The following B3GLCT variants were observed in gnomAD, a reference collection of about 807,000 sequenced individuals.
B3GLCT encodes the protein beta-1,3-glucosyltransferase.
B3GLCT carries 65 observed loss-of-function variants against 63.4 expected under a neutral mutation model. The observed-to-expected ratio is 1.03, with a 90% CI of 0.84 to 1.26. The LOEUF (loss-of-function observed/expected upper bound fraction) is 1.26, where lower values mean the gene tolerates loss of function less well. B3GLCT is among the 50% of genes most tolerant of loss of function. The pLI is 0.00. For missense variants in B3GLCT, 577 were observed against 604.8 expected (o/e 0.95, Z 0.48); for synonymous variants, 233 against 219.2 (o/e 1.06, Z -0.55).
chr13:31,329,161 T>G (rs902126053), intron 14 of B3GLCT, among the ~76,000 whole-genome samples: 1 of 152,218 alleles, frequency 6.6e-6, no homozygotes, highest in Non-Finnish European at 1.5e-5. Context: ...ATAACAGTTT[T>G]TCTGTCTTTG....
intron 10 of B3GLCT, among the ~76,000 whole-genome samples, chr13:31,284,060 TTG>T (rs1488340247): frequency 1.3e-5 from 2 of 152,200 alleles, no homozygotes; most frequent in African/African-American, 4.8e-5. Context: ...CAGCTTTCTG[TTG>T]TGTTTATTGT....
intron 8 of B3GLCT, among the ~76,000 whole-genome samples, chr13:31,272,153 T>C (rs764692690): frequency 1.3e-5 from 2 of 152,112 alleles, no homozygotes; most frequent in Non-Finnish European, 2.9e-5. Context: ...ATGTTGATTG[T>C]AATTACTGAT....
chr13:31,265,704 A>G (rs1401208030), intron 7 of B3GLCT, among the ~76,000 whole-genome samples: 1 of 152,206 alleles, frequency 6.6e-6, no homozygotes, highest in East Asian at 1.9e-4. Context: ...GATTTCTTCA[A>G]ATATATGTCA....
chr13:31,256,327 G>A (rs1775509987), intron 6 of B3GLCT, among the ~76,000 whole-genome samples: 1 of 152,200 alleles, frequency 6.6e-6, no homozygotes, highest in African/African-American at 2.4e-5. Flanking sequence ...TACACTGTTG[G>A]TGGGAGTGTA....
At chr13:31,206,784 A>G (rs1223382315) in intron 1 of B3GLCT, among the ~76,000 whole-genome samples, 1 of 152,104 alleles carries the variant, frequency 6.6e-6, no homozygotes, top group Non-Finnish European at 1.5e-5. Flanking sequence ...TTTGCCTTAA[A>G]GTAAGGAGTT....
intron 4 of B3GLCT, among the ~76,000 whole-genome samples, chr13:31,240,199 G>A (rs561242296): frequency 7.0e-4 from 107 of 152,206 alleles, no homozygotes; most frequent in African/African-American, 2.5e-3. Context: ...AGAGGTCGGC[G>A]GGTCAGAGGT....
intron 14 of B3GLCT, among the ~76,000 whole-genome samples, chr13:31,325,000 C>A (rs1875535364): frequency 6.6e-6 from 1 of 152,218 alleles, no homozygotes. Flanking sequence ...AGCCACTGCA[C>A]CTGGCCCATG....
At chr13:31,265,805 T>G (rs925328728) in intron 7 of B3GLCT, among the ~76,000 whole-genome samples, 2 of 152,182 alleles carry the variant, frequency 1.3e-5, no homozygotes, top group Non-Finnish European at 2.9e-5. Flanking sequence ...GTTGACTGAT[T>G]CACAAGTGGG....
Position 31,261,004 on chromosome 13 carries a change from C to T in B3GLCT, c.518C>T (p.Ala173Val), listed in dbSNP as rs1157354835. 6.2e-7 allele frequency: 1 copy of T among 1,613,858 alleles called. No homozygotes were observed. The change falls in exon 7 of 15, where the codon GCC becomes GTC. Residue 173 changes from alanine (A) to valine (V), a missense_variant. Coordinates refer to ENST00000343307, the MANE Select transcript of B3GLCT (RefSeq NM_194318.4). ...DEEATIIHHY[A>V]FSENPTVFKY... ...GAAGCTACAATAATTCACCATTATG[C>T]CTTTTCCGAGAATCCTACAGTTTTT...
At chr13:31,316,407 T>TTTTTTATATATATATA (rs1239451482) in intron 12 of B3GLCT, among the ~76,000 whole-genome samples, 4 of 40,864 alleles carry the variant, frequency 9.8e-5, no homozygotes, top group African/African-American at 2.6e-4. Flanking sequence ...TTTGGAGGTT[T>TTTTTTATATATATATA]TATATATATA....
chr13:31,256,484 G>A (rs1871747588), intron 6 of B3GLCT, among the ~76,000 whole-genome samples: 1 of 152,172 alleles, frequency 6.6e-6, no homozygotes, highest in Admixed American at 6.5e-5. Context: ...TATGTTTATT[G>A]TGGCACTGTT....
chr13:31,283,538 A>G (rs1970133160), intron 10 of B3GLCT, among the ~76,000 whole-genome samples: 1 of 151,968 alleles, frequency 6.6e-6, no homozygotes, highest in African/African-American at 2.4e-5. Context: ...TTATATTTTA[A>G]TATATGAAAT....
chr13:31,234,714 C>A (rs1195087042), intron 4 of B3GLCT, among the ~76,000 whole-genome samples: 1 of 152,080 alleles, frequency 6.6e-6, no homozygotes, highest in Non-Finnish European at 1.5e-5. Context: ...TCTCTGGGGG[C>A]TTCTCTGAGG....
In B3GLCT at chr13:31,222,944, A is replaced by C. The variant is rs554134863; in HGVS notation, c.121-8A>C. 2.0e-6 allele frequency: 3 copies of C among 1,508,274 alleles called. No individual in the cohort carries two copies. In the South Asian group the frequency reaches 3.4e-5, roughly 17 times the overall value. 93.4% of individuals were successfully genotyped at this position (1,508,274 alleles called of 1,614,324 possible). A position where few individuals can be genotyped will look rare whatever the true frequency, so the allele number is the denominator to read the frequency against. ...GATTCATCTTTTTCTCTTTCATTTAAAATACAGGATTTGGAGAAAAGTGGT... is the reference window on the plus strand; with the variant it reads ...GATTCATCTTTTTCTCTTTCATTTACAATACAGGATTTGGAGAAAAGTGGT... On this transcript the variant is annotated splice_polypyrimidine_tract_variant and splice_region_variant and intron_variant, in intron 2 of 14. Coordinates refer to ENST00000343307, the MANE Select transcript of B3GLCT (RefSeq NM_194318.4).
At chr13:31,293,446 G>A (rs1254052452) in intron 12 of B3GLCT, among the ~76,000 whole-genome samples, 1 of 152,150 alleles carries the variant, frequency 6.6e-6, no homozygotes, top group African/African-American at 2.4e-5. Flanking sequence ...AAGTCTCTTT[G>A]TAGGTCTTTA....
chr13:31,248,474 C>G (rs1450147277), intron 6 of B3GLCT, among the ~76,000 whole-genome samples: 1 of 152,142 alleles, frequency 6.6e-6, no homozygotes, highest in Non-Finnish European at 1.5e-5. Context: ...GAAAACATCT[C>G]TAATAAGGAA....
intron 12 of B3GLCT, among the ~76,000 whole-genome samples, chr13:31,316,431 A>ATATATATATATAT (rs1555255278): frequency 3.8e-4 from 42 of 110,026 alleles, no homozygotes; most frequent in East Asian, 1.1e-3. Flanking sequence ...ATATATATAT[A>ATATATATATATAT]AATTTTTTTT....
intron 6 of B3GLCT, among the ~76,000 whole-genome samples, chr13:31,257,202 G>T (rs890707969): frequency 3.9e-5 from 6 of 152,190 alleles, no homozygotes; most frequent in Admixed American, 3.9e-4. Context: ...GCAACCAGAG[G>T]TTTTAATCGT....
Position 31,260,999 on chromosome 13 carries a change from T to C in B3GLCT, c.513T>C (p.His171=). The change falls in exon 7 of 15, where the codon CAT becomes CAC. Residue 171 remains histidine, a synonymous_variant. Transcript: ENST00000343307. ...LHDEEATIIH[H]YAFSENPTVF... ...ATGAAGAAGCTACAATAATTCACCATTATGCCTTTTCCGAGAATCCTACAG... is the reference window on the plus strand; with the variant it reads ...ATGAAGAAGCTACAATAATTCACCACTATGCCTTTTCCGAGAATCCTACAG... The C allele has an allele frequency of 6.2e-7, 1 of 1,614,052 alleles. No homozygotes were observed. Among genetic ancestry groups the C allele is most frequent in the Non-Finnish European group, 8.5e-7 (1 of 1,179,912 alleles).
Sources: gnomAD v4.1 joint callset for allele counts (sites outside exome capture counted in the v4.1 genomes callset) on GRCh38, gnomAD v4.1.1 for gene constraint, MANE v1.5 for transcripts, NCBI Gene and HGNC (gene_info 2026-07-23, HGNC 2026-07-21) for gene names.